Variants in HOXA10 observed in about 807,000 individuals in gnomAD.
HOXA10 encodes the protein homeobox protein Hox-A10.
HOXA10 carries 12 observed loss-of-function variants against 29.7 expected under a neutral mutation model. The observed-to-expected ratio is 0.40, with a 90% confidence interval of 0.26 to 0.65. HOXA10 has a LOEUF of 0.65. HOXA10 is among the 30% of genes least tolerant of loss of function. The probability of loss-of-function intolerance (pLI) is 0.37; values close to 1 mark genes in which losing one functional copy is unlikely to be tolerated. For synonymous variants in HOXA10, 327 were observed against 280.7 expected (o/e 1.16, Z -1.65); for missense variants, 656 against 585.9 (o/e 1.12, Z -1.24).
rs1265230217 is a variant in HOXA10 at position 27,171,452 on chromosome 7, C to G, written c.*447G>C. On this transcript the variant is annotated 3_prime_UTR_variant, in exon 2 of 2. Transcript: ENST00000283921. ...GCACAGCACTCCAGGCAGACATGCC[C>G]GGTGGCGGCTCCTTTGCACCATTGA... 1 of 456,728 alleles carries G rather than the reference C, an allele frequency of 2.2e-6. No homozygotes were observed. The highest frequency in any genetic ancestry group is 2.0e-5 in the African/African-American group (1 of 50,246). 28.3% of individuals were successfully genotyped at this position (456,728 alleles called of 1,614,324 possible).
upstream of HOXA10, among the ~76,000 whole-genome samples, chr7:27,176,324 C>T (rs1247023195): frequency 6.6e-6 from 1 of 152,242 alleles, no homozygotes; most frequent in African/African-American, 2.4e-5. Context: ...TCTTCGCATG[C>T]TCCTGCGCCC....
intron 1 of HOXA10, chr7:27,173,033 A>C: frequency 3.9e-5 from 15 of 381,696 alleles, no homozygotes; most frequent in Middle Eastern, 7.3e-4. Flanking sequence ...CAGGCTGGGC[A>C]GGGACCAGGG....
chr7:27,173,412 C>T lies in HOXA10; in HGVS notation c.895G>A (p.Ala299Thr). ...GAAGGGGCCGGGGAGAGCTCCTCCG[C>T]GGCCGAGGACGACGCGTGCGCCTCC... Reference protein sequence around the residue: ...DEEAHASSSAAEELSPAPSES... With the variant: ...DEEAHASSSATEELSPAPSES... Residue 299 changes from alanine (A) to threonine (T), a missense_variant, in exon 1 of 2, where the codon GCG (alanine) becomes ACG (threonine). Physicochemically the swap from Ala to Thr is moderately conservative, Grantham distance 58. Coordinates refer to ENST00000283921, the MANE Select transcript of HOXA10 (RefSeq NM_018951.4). The T allele has an allele frequency of 6.2e-7, 1 of 1,608,996 alleles. No individual in the cohort carries two copies. The highest frequency in any genetic ancestry group is 8.5e-7 in the Non-Finnish European group (1 of 1,179,030).
rs1783473140 is a variant in HOXA10 at position 27,171,246 on chromosome 7, G to A, written c.*653C>T. Reference sequence around the variant, plus strand: ...TCTTTTTTTTTCTTTTTAAAGCTGGGATATCTTACAGAGGAAGGAAAAATT... The same window carrying A: ...TCTTTTTTTTTCTTTTTAAAGCTGGAATATCTTACAGAGGAAGGAAAAATT... On this transcript the variant is annotated 3_prime_UTR_variant, in exon 2 of 2. Transcript: ENST00000283921. 2 of 453,908 alleles carry A rather than the reference G, an allele frequency of 4.4e-6. No individual in the cohort carries two copies. Among genetic ancestry groups the A allele is most frequent in the South Asian group, 1.6e-5 (1 of 64,398 alleles). 28.1% of individuals were successfully genotyped at this position (453,908 alleles called of 1,614,324 possible).
chr7:27,178,846 C>T (rs1455080246), upstream of HOXA10, among the ~76,000 whole-genome samples: 1 of 152,200 alleles, frequency 6.6e-6, no homozygotes. Flanking sequence ...TTGAATCGAT[C>T]CTTCAAAATG....
chr7:27,178,307 C>T (rs1158166898), upstream of HOXA10, among the ~76,000 whole-genome samples: 4 of 152,234 alleles, frequency 2.6e-5, no homozygotes, highest in Non-Finnish European at 2.9e-5. Flanking sequence ...AATTTTTCCA[C>T]AAGCAATGAT....
chr7:27,173,135 G>A (rs1259387116), intron 1 of HOXA10, among the ~76,000 whole-genome samples: 1 of 152,244 alleles, frequency 6.6e-6, no homozygotes, highest in East Asian at 1.9e-4. Context: ...TGAGGCCAGC[G>A]CCGAGGACGT....
At position 27,173,629 on chromosome 7, in the gene HOXA10, A is replaced by G. The variant is rs1158541416; in HGVS notation, c.678T>C (p.Tyr226=). Residue 226 remains tyrosine (Y), a synonymous_variant, in exon 1 of 2, where the codon TAT becomes TAC. Transcript: ENST00000283921. ...GCTGCGCGCCGCCGCCGCCGCTGCC[A>G]TAGCCCTTGGCGGTGCCGTAGGCCT... ...LSQAYGTAKG[Y]GSGGGGAQQL... 4 of 1,541,444 alleles carry G rather than the reference A, an allele frequency of 2.6e-6. No individual in the cohort carries two copies. Among genetic ancestry groups the G allele is most frequent in the South Asian group, 1.2e-5 (1 of 83,110 alleles).
chr7:27,179,656 T>A, exon 1 of HOXA10: 1 of 779,280 alleles, frequency 1.3e-6, no homozygotes, highest in Non-Finnish European at 2.4e-6. Context: ...CTTGACACAT[T>A]TCCGAAATCA....
chr7:27,176,215 G>A (rs559640570), upstream of HOXA10, among the ~76,000 whole-genome samples: 5 of 152,352 alleles, frequency 3.3e-5, no homozygotes, highest in Admixed American at 3.3e-4. Flanking sequence ...GAATAAGAAA[G>A]CCAGTTCTCT....
rs1353488779 is a variant in HOXA10, at chr7:27,174,316, A to C, written c.-10T>G. The stretch of plus-strand genomic sequence containing the variant: ...CCTTTCTGGCTGACATTTCTTGTGC[A>C]AAACATGCTGAATACGATTAGCAAT... On this transcript the variant is annotated 5_prime_UTR_variant, in exon 1 of 2. Coordinates refer to ENST00000283921, the MANE Select transcript of HOXA10 (RefSeq NM_018951.4). 1 of 1,597,850 alleles carries C rather than the reference A, an allele frequency of 6.3e-7. No homozygotes were observed. Among genetic ancestry groups the C allele is most frequent in the East Asian group, 2.2e-5 (1 of 44,796 alleles).
upstream of HOXA10, among the ~76,000 whole-genome samples, chr7:27,178,895 C>T (rs1340326804): frequency 6.6e-6 from 1 of 152,208 alleles, no homozygotes; most frequent in Non-Finnish European, 1.5e-5. Context: ...TTGATGACAA[C>T]CCCAATGGAG....
In HOXA10 at chr7:27,173,522, TCGGCCGAGC is replaced by T. The variant is rs1376301168; in HGVS notation, c.776_784del (p.Gly259_Ala261del). On this transcript the variant is annotated inframe_deletion, in exon 1 of 2. Coordinates refer to ENST00000283921, the MANE Select transcript of HOXA10 (RefSeq NM_018951.4). ...GAGGGCTCGCTCCTTCCGGGCCGCA[TCGGCCGAGC>T]CGGAGGCTAGCGCGGGCGGGAGATC... The T allele has an allele frequency of 6.8e-7, 1 of 1,461,970 alleles. No homozygotes were observed. Among genetic ancestry groups the T allele is most frequent in the Admixed American group, 2.7e-5 (1 of 37,194 alleles). The allele number at this position is 1,461,970 out of a possible 1,614,324, so 90.6% of individuals were successfully genotyped here. A position where few individuals can be genotyped will look rare whatever the true frequency, so the allele number is the denominator to read the frequency against.
Position 27,173,399 on chromosome 7 carries a change from G to A in HOXA10, c.908C>T (p.Ser303Phe), listed in dbSNP as rs1486944563. The change falls in exon 1 of 2, where the codon TCC (serine) becomes TTC (phenylalanine). Residue 303 changes from serine (S) to phenylalanine (F), a missense_variant. Physicochemically the swap from Ser to Phe is radical, Grantham distance 155. Transcript: ENST00000283921. ...HASSSAAEEL[S>F]PAPSESSKAS... ...TTTGCTGCTCTCGGAAGGGGCCGGG[G>A]AGAGCTCCTCCGCGGCCGAGGACGA... 4 of 1,611,380 alleles carry A rather than the reference G, an allele frequency of 2.5e-6. No homozygotes were observed. The highest frequency in any genetic ancestry group is 2.2e-5 in the East Asian group (1 of 44,812).
Position 27,173,952 on chromosome 7 carries a change from G to A in HOXA10, c.355C>T (p.Leu119=), listed in dbSNP as rs1199955329. ...GYGPSPIDLW[L]DAPRSCRMEP... is the part of the protein sequence containing the mutation. ...ATCCGGCAAGACCGGGGCGCGTCTAGCCACAGGTCTATGGGCGAGGGCCCG... is the reference window on the plus strand; with the variant it reads ...ATCCGGCAAGACCGGGGCGCGTCTAACCACAGGTCTATGGGCGAGGGCCCG... The change falls in exon 1 of 2, where the codon CTA becomes TTA. Residue 119 remains leucine (L), a synonymous_variant. Coordinates refer to ENST00000283921, the MANE Select transcript of HOXA10 (RefSeq NM_018951.4). 1 of 1,528,664 alleles carries A rather than the reference G, an allele frequency of 6.5e-7. No individual in the cohort carries two copies. The allele number at this position is 1,528,664 out of a possible 1,614,324, so 94.7% of individuals were successfully genotyped here.
Position 27,171,283 on chromosome 7 carries a change from C to G in HOXA10, c.*616G>C, listed in dbSNP as rs1032855690. On this transcript the variant is annotated 3_prime_UTR_variant, in exon 2 of 2. Transcript: ENST00000283921. ...AGGAAGGAAAAATTAACCTTTTTTA[C>G]TTTCTTTCTCACTTTTTAAATCAGC... The G allele has an allele frequency of 1.3e-5, 6 of 453,944 alleles. No homozygotes were observed. The highest frequency in any genetic ancestry group is 2.6e-5 in the Non-Finnish European group (6 of 226,782). 28.1% of individuals were successfully genotyped at this position (453,944 alleles called of 1,614,324 possible).
intron 1 of HOXA10, chr7:27,172,374 T>C (rs1024420069): frequency 3.3e-6 from 2 of 611,768 alleles, no homozygotes; most frequent in African/African-American, 3.7e-5. Context: ...TCAATCTACA[T>C]GACCCTTCCA....
chr7:27,175,997 G>A (rs953695352), upstream of HOXA10, among the ~76,000 whole-genome samples: 4 of 152,200 alleles, frequency 2.6e-5, no homozygotes. Flanking sequence ...CGGTCGCTGC[G>A]GGCAGTGGCT....
In HOXA10 at chr7:27,174,248, C is replaced by A; in HGVS notation, c.59G>T (p.Cys20Phe). 1 of 1,599,586 alleles carries A rather than the reference C, an allele frequency of 6.3e-7. No individual in the cohort carries two copies. The highest frequency in any genetic ancestry group is 8.5e-7 in the Non-Finnish European group (1 of 1,179,822). The stretch of plus-strand genomic sequence containing the variant: ...AGAGTTCGCGGCGGGGCTCTCCGAG[C>A]ATGACATTGTTGTGGGATAATTTGG... ...PSPNYPTTMS[C>F]SESPAANSFL... Residue 20 changes from cysteine to phenylalanine, a missense_variant, in exon 1 of 2, where the codon TGC becomes TTC. Physicochemically the swap from Cys to Phe is radical, Grantham distance 205. Coordinates refer to ENST00000283921, the MANE Select transcript of HOXA10 (RefSeq NM_018951.4).
Sources: allele counts gnomAD v4.1 joint callset (sites outside exome capture counted in the v4.1 genomes callset), GRCh38; gene constraint gnomAD v4.1.1; transcripts MANE v1.5; gene names NCBI Gene and HGNC (gene_info 2026-07-23, HGNC 2026-07-21).